The following KHDC1 variants were observed in gnomAD, a reference collection of about 807,000 sequenced individuals.
KHDC1 encodes the protein KH homology domain-containing protein 1.
Under a neutral mutation model 24.7 loss-of-function variants are expected in KHDC1, and 21 were observed. That is an observed-to-expected ratio of 0.85 (90% confidence interval 0.60 to 1.23). The LOEUF (loss-of-function observed/expected upper bound fraction) is 1.23. KHDC1 is among the 50% of genes most tolerant of loss of function. KHDC1 has a pLI of 0.00. For missense variants in KHDC1, 274 were observed against 298.5 expected, an observed-to-expected ratio of 0.92 and a Z score of 0.61; for synonymous variants, 98 against 111.7, an observed-to-expected ratio of 0.88 and a Z score of 0.77.
intron 2 of KHDC1, among the ~76,000 whole-genome samples, chr6:73,259,999 C>T (rs10943084): frequency 0.13 from 19,430 of 152,090 alleles, 1,578 homozygotes; most frequent in African/African-American, 0.23. Context: ...ATCTAAGATG[C>T]CAATTTCTTT....
intron 1 of KHDC1, among the ~76,000 whole-genome samples, chr6:73,293,481 G>A (rs567581430): frequency 2.2e-4 from 33 of 152,320 alleles, no homozygotes; most frequent in African/African-American, 7.9e-4. Flanking sequence ...ACATGTAGTT[G>A]TAAGAAGTTA....
intron 1 of KHDC1, among the ~76,000 whole-genome samples, chr6:73,294,492 T>C (rs1379577670): frequency 1.3e-5 from 2 of 152,196 alleles, no homozygotes; most frequent in Non-Finnish European, 1.5e-5. Context: ...AACAGGACTT[T>C]TGTGAATGGA....
At chr6:73,268,630 CAG>C (rs1468837610) in intron 2 of KHDC1, 1 of 152,338 alleles carries the variant, frequency 6.6e-6, no homozygotes, top group Non-Finnish European at 1.5e-5. Flanking sequence ...TAACCAGATA[CAG>C]AGTGTGGATA....
intron 2 of KHDC1, among the ~76,000 whole-genome samples, chr6:73,263,898 G>A (rs569447157): frequency 1.3e-5 from 2 of 152,310 alleles, no homozygotes; most frequent in African/African-American, 2.4e-5. Context: ...AATTAGATGG[G>A]AGTATTAACA....
intron 2 of KHDC1, among the ~76,000 whole-genome samples, chr6:73,244,621 TC>T (rs1178301297): frequency 1.4e-5 from 2 of 140,878 alleles, no homozygotes; most frequent in East Asian, 4.3e-4. Context: ...AAACAATGAA[TC>T]GGGGAGTGGT....
At chr6:73,307,844 C>T (rs1389408602) in intron 1 of KHDC1, among the ~76,000 whole-genome samples, 1 of 152,104 alleles carries the variant, frequency 6.6e-6, no homozygotes, top group Non-Finnish European at 1.5e-5. Flanking sequence ...GTCTCTGTGC[C>T]TCACCCCCAG....
At chr6:73,241,874 T>A in intron 4 of KHDC1, 146 bp from the exon 4 acceptor site, 3 of 1,069,408 alleles carry the variant, frequency 2.8e-6, no homozygotes, top group Non-Finnish European at 4.0e-6. Context: ...CCCAGCTACC[T>A]CTCCACCTTA....
chr6:73,295,281 G>T (rs1395718648), intron 1 of KHDC1, among the ~76,000 whole-genome samples: 1 of 152,118 alleles, frequency 6.6e-6, no homozygotes, highest in Non-Finnish European at 1.5e-5. Flanking sequence ...GGCCTCCCCA[G>T]GAGCCAAGCA....
chr6:73,276,447 A>G (rs1767300673), intron 2 of KHDC1: 1 of 152,034 alleles, frequency 6.6e-6, no homozygotes, highest in Non-Finnish European at 1.5e-5. Context: ...AGATCATGCC[A>G]CTTCACTCCA....
chr6:73,262,951 G>T (rs985102934), intron 2 of KHDC1: 18 of 991,406 alleles, frequency 1.8e-5, no homozygotes, highest in Non-Finnish European at 2.0e-5. Flanking sequence ...GAGACCACAG[G>T]GGGGTCAGGT....
chr6:73,254,297 C>A (rs1284740821), intron 2 of KHDC1, among the ~76,000 whole-genome samples: 2 of 151,730 alleles, frequency 1.3e-5, no homozygotes, highest in African/African-American at 4.8e-5. Flanking sequence ...CCCATCTCTA[C>A]TAAAAATATA....
chr6:73,294,114 TC>T (rs1317251330), intron 1 of KHDC1, among the ~76,000 whole-genome samples: 2 of 151,844 alleles, frequency 1.3e-5, no homozygotes, highest in Non-Finnish European at 2.9e-5. Flanking sequence ...CAAGACTGTC[TC>T]GAGACAAAAC....
At chr6:73,242,072 G>A in exon 4 of KHDC1, 1 of 1,613,174 alleles carries the variant, frequency 6.2e-7, no homozygotes, top group Non-Finnish European at 8.5e-7. Flanking sequence ...ATGATGATAG[G>A]AGTCCTGGCT....
rs555800067 is a variant in KHDC1, at chr6:73,292,950, A to T, written c.164-910T>A. 1.2e-4 allele frequency: 103 copies of T among 883,968 alleles called. 3 individuals carry two copies. In the South Asian group the frequency reaches 1.2e-3, roughly 10 times the overall value. The allele number at this position is 883,968 out of a possible 1,614,324, so 54.8% of individuals were successfully genotyped here. A position where few individuals can be genotyped will look rare whatever the true frequency, so the allele number is the denominator to read the frequency against. On this transcript the variant is annotated intron_variant, in intron 1 of 4. Coordinates refer to ENST00000370384, the Ensembl canonical transcript of KHDC1. ...CTTAAGGATTTCATTGACAATGCCC[A>T]TCTCTTCATATTTGAGACTTTCTGT...
chr6:73,289,333 CA>C (rs60179008), intron 2 of KHDC1, among the ~76,000 whole-genome samples: 5 of 62,648 alleles, frequency 8.0e-5, no homozygotes, highest in African/African-American at 2.3e-4. Context: ...GACTCCATCT[CA>C]AAAAAAAAAA....
At chr6:73,256,001 G>T (rs549531314) in intron 2 of KHDC1, among the ~76,000 whole-genome samples, 1 of 151,916 alleles carries the variant, frequency 6.6e-6, no homozygotes, top group Admixed American at 6.6e-5. Context: ...AAGTCTGAAT[G>T]GAGTTAGAAA....
At chr6:73,309,684 C>T in exon 1 of KHDC1, 2 of 1,550,060 alleles carry the variant, frequency 1.3e-6, no homozygotes, top group Non-Finnish European at 1.7e-6. Flanking sequence ...ACAAATAAGA[C>T]TCGGAACAGC....
chr6:73,295,082 G>A (rs1767733983), intron 1 of KHDC1, among the ~76,000 whole-genome samples: 1 of 152,004 alleles, frequency 6.6e-6, no homozygotes, highest in Non-Finnish European at 1.5e-5. Flanking sequence ...TGAACCGGGA[G>A]TTGGATGTTG....
chr6:73,292,628 A>G (rs752001510), intron 1 of KHDC1: 348 of 758,416 alleles, frequency 4.6e-4, no homozygotes, highest in Admixed American at 9.3e-4. Flanking sequence ...GTTTTCTTCA[A>G]TCACCCCAAA....
Sources: allele counts gnomAD v4.1 joint callset (sites outside exome capture counted in the v4.1 genomes callset), GRCh38; gene constraint gnomAD v4.1.1; transcripts MANE v1.5; gene names NCBI Gene and HGNC (gene_info 2026-07-23, HGNC 2026-07-21).